The following GRIK1 variants were observed in gnomAD, a reference collection of about 807,000 sequenced individuals.
GRIK1 encodes glutamate receptor ionotropic, kainate 1.
A neutral mutation model predicts 105.7 loss-of-function variants in GRIK1; 69 were observed. The ratio of observed to expected loss-of-function variants is 0.65; its 90% CI spans 0.54 to 0.80. The LOEUF (loss-of-function observed/expected upper bound fraction) is 0.80, where lower values mean the gene tolerates loss of function less well. GRIK1 is among the 30% of genes least tolerant of loss of function. GRIK1 has a pLI of 0.00. For synonymous variants in GRIK1, 438 were observed against 431.3 expected, an observed-to-expected ratio of 1.02 and a Z score of -0.19; for missense variants, 1,109 against 1,167.3, an observed-to-expected ratio of 0.95 and a Z score of 0.73.
chr21:29,852,093 G>A (rs1366265012), intron 1 of GRIK1, among the ~76,000 whole-genome samples: 1 of 151,906 alleles, frequency 6.6e-6, no homozygotes, highest in Non-Finnish European at 1.5e-5. Context: ...CCCATTGTCA[G>A]CACTAAGTTC....
chr21:29,770,844 A>C (rs1301289096), intron 1 of GRIK1, among the ~76,000 whole-genome samples: 2 of 152,210 alleles, frequency 1.3e-5, no homozygotes, highest in East Asian at 1.9e-4. Context: ...CTAGGTCCTC[A>C]GTAGTGGTTG....
chr21:29,708,251 G>T (rs1436663278), intron 1 of GRIK1, among the ~76,000 whole-genome samples: 1 of 152,036 alleles, frequency 6.6e-6, no homozygotes, highest in Non-Finnish European at 1.5e-5. Flanking sequence ...AAACTTATTT[G>T]CTACCTATTT....
At chr21:29,770,619 C>A (rs1253848918) in intron 1 of GRIK1, among the ~76,000 whole-genome samples, 2 of 152,228 alleles carry the variant, frequency 1.3e-5, no homozygotes, top group Non-Finnish European at 2.9e-5. Flanking sequence ...ATGTATTACT[C>A]AAATAAATCT....
chr21:29,706,314 A>T (rs1461417105), intron 1 of GRIK1, among the ~76,000 whole-genome samples: 1 of 152,272 alleles, frequency 6.6e-6, no homozygotes, highest in Non-Finnish European at 1.5e-5. Flanking sequence ...ACAAAATGAT[A>T]CACACTAGGC....
chr21:29,761,606 G>A (rs917552848), intron 1 of GRIK1, among the ~76,000 whole-genome samples: 1 of 152,106 alleles, frequency 6.6e-6, no homozygotes, highest in African/African-American at 2.4e-5. Context: ...AGGATTCACT[G>A]TGTGTGAAAT....
Position 29,756,298 on chromosome 21 carries a change from G to A in GRIK1, c.119-62235C>T, listed in dbSNP as rs543458630. ...CGGGAGGCTGAGGCAGGAGAATGGC[G>A]TGAACCGGGGAGGCAGAGCTTGCAG... On this transcript the variant is annotated intron_variant, in intron 1 of 17. Transcript: ENST00000327783. Among the ~76,000 whole-genome samples, 7 of 152,176 alleles carry A rather than the reference G, an allele frequency of 4.6e-5. No homozygotes were observed. In the South Asian group the frequency reaches 1.2e-3, roughly 27 times the overall value.
At chr21:29,715,899 A>G (rs532411204) in intron 1 of GRIK1, among the ~76,000 whole-genome samples, 1 of 152,040 alleles carries the variant, frequency 6.6e-6, no homozygotes, top group Non-Finnish European at 1.5e-5. Flanking sequence ...AGATGTTGAT[A>G]TGGTTTGGCT....
intron 4 of GRIK1, among the ~76,000 whole-genome samples, chr21:29,660,551 G>C (rs2062943485): frequency 6.6e-6 from 1 of 152,182 alleles, no homozygotes; most frequent in South Asian, 2.1e-4. Context: ...ATCACTAAGG[G>C]AAATCCATAT....
chr21:29,766,274 G>A (rs936645974), intron 1 of GRIK1, among the ~76,000 whole-genome samples: 2 of 152,124 alleles, frequency 1.3e-5, no homozygotes, highest in African/African-American at 4.8e-5. Flanking sequence ...AATCACAGAC[G>A]ATTTTATTGT....
chr21:29,925,407 T>C (rs1024509442), intron 1 of GRIK1, among the ~76,000 whole-genome samples: 1 of 152,236 alleles, frequency 6.6e-6, no homozygotes, highest in Non-Finnish European at 1.5e-5. Flanking sequence ...TCCTCATTAA[T>C]GTATTTTATC....
At chr21:29,832,720 G>A (rs545663439) in intron 1 of GRIK1, among the ~76,000 whole-genome samples, 1 of 152,152 alleles carries the variant, frequency 6.6e-6, no homozygotes, top group African/African-American at 2.4e-5. Flanking sequence ...TTCTCTCCCA[G>A]CCCTCTGGGC....
At chr21:29,819,091 T>C (rs1157226421) in intron 1 of GRIK1, among the ~76,000 whole-genome samples, 1 of 152,122 alleles carries the variant, frequency 6.6e-6, no homozygotes, top group Non-Finnish European at 1.5e-5. Context: ...ATTTGCAGGA[T>C]TTATATGGCA....
chr21:29,890,575 A>T (rs1233295713), intron 1 of GRIK1, among the ~76,000 whole-genome samples: 1 of 152,126 alleles, frequency 6.6e-6, no homozygotes, highest in Non-Finnish European at 1.5e-5. Context: ...CATTCTGAAG[A>T]TATAATAACA....
At chr21:29,715,586 C>A (rs1483668675) in intron 1 of GRIK1, among the ~76,000 whole-genome samples, 4 of 151,434 alleles carry the variant, frequency 2.6e-5, no homozygotes, top group Non-Finnish European at 5.9e-5. Flanking sequence ...CATCGCTTGC[C>A]TCCCCCTAAT....
At chr21:29,756,894 G>T (rs888402750) in intron 1 of GRIK1, among the ~76,000 whole-genome samples, 5 of 152,108 alleles carry the variant, frequency 3.3e-5, no homozygotes, top group African/African-American at 1.2e-4. Context: ...TGGGCGGATC[G>T]TCTGAGCTCA....
chr21:29,725,919 TCAG>T (rs1376612675), intron 1 of GRIK1, among the ~76,000 whole-genome samples: 2 of 152,192 alleles, frequency 1.3e-5, no homozygotes, highest in Non-Finnish European at 2.9e-5. Flanking sequence ...ACTTTACACT[TCAG>T]CACGTTCCCA....
intron 10 of GRIK1, among the ~76,000 whole-genome samples, chr21:29,589,984 T>G (rs1345538794): frequency 6.6e-6 from 1 of 152,220 alleles, no homozygotes; most frequent in Non-Finnish European, 1.5e-5. Flanking sequence ...GGTCATTCTC[T>G]GCTTATATAC....
intron 1 of GRIK1, among the ~76,000 whole-genome samples, chr21:29,778,809 A>G (rs879360864): frequency 2.0e-5 from 3 of 152,176 alleles, no homozygotes; most frequent in Admixed American, 6.5e-5. Flanking sequence ...CAGAGTCCCA[A>G]CTTCAATGAA....
chr21:29,938,854 A>T (rs77191337), intron 1 of GRIK1, among the ~76,000 whole-genome samples: 103,552 of 151,624 alleles, frequency 0.68, 35,566 homozygotes, highest in East Asian at 0.83. Context: ...GGAAGAATCC[A>T]ACTTAGGCAT....
Sources: gnomAD v4.1 joint callset for allele counts (sites outside exome capture counted in the v4.1 genomes callset) on GRCh38, gnomAD v4.1.1 for gene constraint, MANE v1.5 for transcripts, NCBI Gene and HGNC (gene_info 2026-07-23, HGNC 2026-07-21) for gene names.